NOXRED1: variants seen among roughly 807,000 people sequenced by gnomAD.
NOXRED1 encodes NADP dependent oxidoreductase domain containing 1.
In NOXRED1, 20 loss-of-function variants were observed where a neutral mutation model predicts 30.4. The ratio of observed to expected loss-of-function variants is 0.66; its 90% CI spans 0.46 to 0.96. The LOEUF (loss-of-function observed/expected upper bound fraction) is 0.96, where lower values mean the gene tolerates loss of function less well. Among genes scored for constraint, NOXRED1 ranks in the 40% least tolerant of loss-of-function variants. The pLI is 0.00. For synonymous variants in NOXRED1, 155 were observed against 168.0 expected, an observed-to-expected ratio of 0.92 and a Z score of 0.60; for missense variants, 374 against 428.0, an observed-to-expected ratio of 0.87 and a Z score of 1.11.
At position 77,414,056 on chromosome 14, in the gene NOXRED1, T is replaced by C. The variant is rs775136683; in HGVS notation, c.227A>G (p.Glu76Gly). The change falls in exon 2 of 6, where the codon GAG becomes GGG. Residue 76 changes from glutamate (E) to glycine (G), a missense_variant. Physicochemically the swap from Glu to Gly is moderately conservative, Grantham distance 98. Coordinates refer to ENST00000380835, the MANE Select transcript of NOXRED1 (RefSeq NM_001113475.3). Reference protein sequence around the residue: ...IGSLNSATPEEFKVGIIGGGH... With the variant: ...IGSLNSATPEGFKVGIIGGGH... Reference sequence around the variant, plus strand: ...ACCTCCAATGATGCCCACCTTAAACTCTTCAGGAGTGGCTGAATTAAGGGA... The same window carrying C: ...ACCTCCAATGATGCCCACCTTAAACCCTTCAGGAGTGGCTGAATTAAGGGA... 6 of 1,610,858 alleles carry C rather than the reference T, an allele frequency of 3.7e-6. No individual in the cohort carries two copies. Among genetic ancestry groups the C allele is most frequent in the Non-Finnish European group, 5.1e-6 (6 of 1,177,762 alleles).
At chr14:77,410,172 C>G (rs976234216) in intron 2 of NOXRED1, among the ~76,000 whole-genome samples, 2 of 151,976 alleles carry the variant, frequency 1.3e-5, no homozygotes, top group Admixed American at 1.3e-4. Context: ...GTGACTTACT[C>G]CTGCAATACC....
At chr14:77,417,823 T>G in intron 1 of NOXRED1, among the ~76,000 whole-genome samples, 1 of 152,082 alleles carries the variant, frequency 6.6e-6, no homozygotes, top group East Asian at 1.9e-4. Flanking sequence ...TGCCAGTTTG[T>G]TTTTTTCTCT....
In NOXRED1 at chr14:77,406,367, T is replaced by C. The variant is rs906601745; in HGVS notation, c.683-232A>G. ...TGGACAGATACAACTAATGTAGACA[T>C]TGCTAATGGCAAAAAGTGTCTCTGG... is the stretch of plus-strand genomic sequence containing the variant. On this transcript the variant is annotated intron_variant, in intron 4 of 5. Coordinates refer to ENST00000380835, the MANE Select transcript of NOXRED1 (RefSeq NM_001113475.3). 8.4e-6 allele frequency: 5 copies of C among 596,810 alleles called. No individual in the cohort carries two copies. The African/African-American group carries it at 9.3e-5, about 11-fold the overall frequency. 37.0% of individuals were successfully genotyped at this position (596,810 alleles called of 1,614,324 possible).
At chr14:77,406,996 G>A (rs908214394) in intron 3 of NOXRED1, 121 bp from the exon 4 acceptor site, 9 of 827,228 alleles carry the variant, frequency 1.1e-5, no homozygotes, top group East Asian at 2.7e-5. Context: ...AGATAAATGC[G>A]GGTCTGGGTC....
chr14:77,425,842 G>A (rs1012938975), upstream of NOXRED1, among the ~76,000 whole-genome samples: 7 of 152,000 alleles, frequency 4.6e-5, no homozygotes, highest in South Asian at 2.1e-4. Context: ...GAGCCATATT[G>A]CCTTAAGGCA....
intron 1 of NOXRED1, among the ~76,000 whole-genome samples, chr14:77,421,451 C>G (rs566745696): frequency 1.3e-5 from 2 of 152,110 alleles, no homozygotes; most frequent in Admixed American, 6.6e-5. Flanking sequence ...TACGATACAC[C>G]CACTCTTTCT....
chr14:77,410,764 A>T (rs1894628587), intron 2 of NOXRED1, among the ~76,000 whole-genome samples: 1 of 152,232 alleles, frequency 6.6e-6, no homozygotes. Flanking sequence ...TTGATTAATG[A>T]AAGACATATT....
At chr14:77,416,410 G>A (rs1045722464) in intron 1 of NOXRED1, among the ~76,000 whole-genome samples, 4 of 152,058 alleles carry the variant, frequency 2.6e-5, no homozygotes, top group Non-Finnish European at 5.9e-5. Flanking sequence ...GACTCTTAAG[G>A]AGCATGCTGC....
chr14:77,407,772 A>G (rs960062021), intron 2 of NOXRED1, 127 bp from the exon 3 acceptor site: 42 of 659,540 alleles, frequency 6.4e-5, no homozygotes, highest in African/African-American at 5.2e-4. Context: ...TCCATAAATC[A>G]GAAGATATTC....
intron 1 of NOXRED1, among the ~76,000 whole-genome samples, chr14:77,417,792 T>G (rs2139698409): frequency 6.6e-6 from 1 of 152,326 alleles, no homozygotes; most frequent in South Asian, 2.1e-4. Context: ...AAATAATTAC[T>G]GATAGGGAAG....
intron 5 of NOXRED1, among the ~76,000 whole-genome samples, chr14:77,395,315 C>T (rs1894154017): frequency 6.6e-6 from 1 of 151,818 alleles, no homozygotes; most frequent in African/African-American, 2.4e-5. Flanking sequence ...ACCGTGTTAG[C>T]CAGGATGGTC....
intron 1 of NOXRED1, among the ~76,000 whole-genome samples, chr14:77,415,181 AACACACACACACACAC>A (rs57039967): frequency 1.4e-3 from 209 of 149,510 alleles, no homozygotes; most frequent in African/African-American, 4.8e-3. Context: ...GTCTCAGGAA[AACACACACACACACAC>A]ACACACACAC....
At chr14:77,397,807 G>C (rs575458838) in intron 5 of NOXRED1, among the ~76,000 whole-genome samples, 1 of 151,610 alleles carries the variant, frequency 6.6e-6, no homozygotes, top group South Asian at 2.1e-4. Context: ...GTTTGAACCT[G>C]GGAAGCGGAG....
chr14:77,403,935 C>G (rs1191575744), intron 5 of NOXRED1, among the ~76,000 whole-genome samples: 1 of 152,118 alleles, frequency 6.6e-6, no homozygotes, highest in Non-Finnish European at 1.5e-5. Context: ...CAGGCCCGAC[C>G]CTGCTTAGCT....
At chr14:77,411,196 T>C (rs947470617) in intron 2 of NOXRED1, among the ~76,000 whole-genome samples, 2 of 152,042 alleles carry the variant, frequency 1.3e-5, no homozygotes, top group African/African-American at 4.8e-5. Flanking sequence ...CAGCTGGGCA[T>C]GGTGGCTCAC....
upstream of NOXRED1, among the ~76,000 whole-genome samples, chr14:77,425,573 A>T (rs1895103423): frequency 6.6e-6 from 1 of 152,248 alleles, no homozygotes; most frequent in Admixed American, 6.5e-5. Flanking sequence ...AAGGAACTAA[A>T]TATGAGGTTA....
chr14:77,403,869 T>G (rs1285496936), intron 5 of NOXRED1, among the ~76,000 whole-genome samples: 1 of 152,102 alleles, frequency 6.6e-6, no homozygotes, highest in East Asian at 1.9e-4. Context: ...GTAGCAACTC[T>G]AGAAGCTGAA....
At chr14:77,421,336 C>T (rs910755530) in intron 1 of NOXRED1, among the ~76,000 whole-genome samples, 4 of 152,176 alleles carry the variant, frequency 2.6e-5, no homozygotes, top group Non-Finnish European at 4.4e-5. Flanking sequence ...AAGTTAGTGT[C>T]TCGAGGTTAC....
chr14:77,409,231 C>T (rs1481313741), intron 2 of NOXRED1, among the ~76,000 whole-genome samples: 3 of 152,092 alleles, frequency 2.0e-5, no homozygotes, highest in Non-Finnish European at 2.9e-5. Flanking sequence ...TGTGCCCCCA[C>T]CCAAATATCA....
Sources: gnomAD v4.1 joint callset for allele counts (sites outside exome capture counted in the v4.1 genomes callset) on GRCh38, gnomAD v4.1.1 for gene constraint, MANE v1.5 for transcripts, NCBI Gene and HGNC (gene_info 2026-07-23, HGNC 2026-07-21) for gene names.